IGF2BP1: variants seen among roughly 807,000 people sequenced by gnomAD.
IGF2BP1 encodes the protein insulin-like growth factor 2 mRNA-binding protein 1.
Under a neutral mutation model 74.9 loss-of-function variants are expected in IGF2BP1, and 11 were observed. The ratio of observed to expected loss-of-function variants is 0.15; its 90% CI spans 0.09 to 0.24. The LOEUF (loss-of-function observed/expected upper bound fraction) is 0.24, where lower values mean the gene tolerates loss of function less well. IGF2BP1 is among the 10% of genes least tolerant of loss of function. The pLI is 1.00. For missense variants in IGF2BP1, 440 were observed against 757.4 expected, an observed-to-expected ratio of 0.58 and a Z score of 4.92; for synonymous variants, 287 against 281.8, an observed-to-expected ratio of 1.02 and a Z score of -0.18.
intron 14 of IGF2BP1, among the ~76,000 whole-genome samples, chr17:49,047,346 CAA>C (rs2042117527): frequency 6.6e-6 from 1 of 151,630 alleles, no homozygotes; most frequent in East Asian, 1.9e-4. Flanking sequence ...TATAAAATAA[CAA>C]AAAAGTATTA....
chr17:49,040,995 A>G (rs573045228), intron 7 of IGF2BP1, among the ~76,000 whole-genome samples: 1 of 152,310 alleles, frequency 6.6e-6, no homozygotes, highest in African/African-American at 2.4e-5. Context: ...CCTGGGCAAC[A>G]TAGTGAAACC....
chr17:49,045,789 C>A, intron 12 of IGF2BP1, 101 bp from the exon 13 acceptor site: 1 of 1,293,762 alleles, frequency 7.7e-7, no homozygotes, highest in Non-Finnish European at 1.1e-6. Context: ...ATGGGGAGGG[C>A]CTGTGGGCCA....
chr17:49,038,774 A>G (rs991863654), intron 6 of IGF2BP1, among the ~76,000 whole-genome samples: 15 of 151,916 alleles, frequency 9.9e-5, no homozygotes, highest in African/African-American at 3.1e-4. Context: ...TGATTTCATG[A>G]TCACTTAGTG....
At chr17:49,040,413 C>T (rs729003) in intron 7 of IGF2BP1, among the ~76,000 whole-genome samples, 51,407 of 152,026 alleles carry the variant, frequency 0.34, 9,235 homozygotes, top group African/African-American at 0.42. Flanking sequence ...GATGGGGTGT[C>T]GCCATGTTAC....
chr17:49,033,376 C>CT lies in IGF2BP1; in HGVS notation c.401+1404dup, dbSNP rs2041946925. Among the ~76,000 whole-genome samples, 3 of 151,462 alleles carry CT rather than the reference C, an allele frequency of 2.0e-5. No homozygotes were observed. The South Asian group carries it at 6.3e-4, about 32-fold the overall frequency. ...ATTTTTTTTGAGACGGAGTCTCACTCTGTCGCCCAGGCTGGAGTGCAGTGG... is the reference window on the plus strand; with the variant it reads ...ATTTTTTTTGAGACGGAGTCTCACTCTTGTCGCCCAGGCTGGAGTGCAGTGG... On this transcript the variant is annotated intron_variant, in intron 5 of 14. Coordinates refer to ENST00000290341, the MANE Select transcript of IGF2BP1 (RefSeq NM_006546.4).
At chr17:49,001,231 CAGTT>C (rs956200103) in intron 2 of IGF2BP1, among the ~76,000 whole-genome samples, 18 of 152,088 alleles carry the variant, frequency 1.2e-4, no homozygotes, top group Admixed American at 2.6e-4. Context: ...AGTATTTCGT[CAGTT>C]AGGTTTGTTA....
intron 2 of IGF2BP1, among the ~76,000 whole-genome samples, chr17:49,024,627 G>GTTTTACA (rs2041830556): frequency 6.6e-6 from 1 of 151,916 alleles, no homozygotes; most frequent in African/African-American, 2.4e-5. Context: ...TCTGTTTTAC[G>GTTTTACA]TAGGAAGAAA....
intron 2 of IGF2BP1, among the ~76,000 whole-genome samples, chr17:49,015,362 C>A (rs1255598403): frequency 6.6e-6 from 1 of 152,158 alleles, no homozygotes; most frequent in Non-Finnish European, 1.5e-5. Context: ...GAGGCGGGGC[C>A]GGGCCAGAGA....
intron 2 of IGF2BP1, among the ~76,000 whole-genome samples, chr17:49,007,862 T>C (rs2041569022): frequency 6.6e-6 from 1 of 152,176 alleles, no homozygotes; most frequent in African/African-American, 2.4e-5. Flanking sequence ...TGGCAGGATT[T>C]GGAGATGAAG....
intron 2 of IGF2BP1, among the ~76,000 whole-genome samples, chr17:49,000,615 T>C (rs909160593): frequency 6.6e-6 from 1 of 152,194 alleles, no homozygotes; most frequent in Non-Finnish European, 1.5e-5. Flanking sequence ...GAAAAGGATA[T>C]GGATATTTGA....
rs989668838 is a variant in IGF2BP1, at chr17:49,051,866, C to G, written c.*2422C>G. 7 of 151,312 alleles carry G rather than the reference C, an allele frequency of 4.6e-5. No homozygotes were observed. The highest frequency in any genetic ancestry group is 1.7e-4 in the African/African-American group (7 of 41,082). 9.4% of individuals were successfully genotyped at this position (151,312 alleles called of 1,614,324 possible). A position where few individuals can be genotyped will look rare whatever the true frequency, so the allele number is the denominator to read the frequency against. On this transcript the variant is annotated 3_prime_UTR_variant, in exon 15 of 15. Coordinates refer to ENST00000290341, the MANE Select transcript of IGF2BP1 (RefSeq NM_006546.4). The stretch of plus-strand genomic sequence containing the variant: ...TTTTTGTTATTGTTTCATTTCAGTT[C>G]CGTCTTGCTATTCTTCCTAATCTAT...
At chr17:49,041,344 T>C in intron 7 of IGF2BP1, 34 bp from the exon 8 acceptor site, 1 of 1,612,190 alleles carries the variant, frequency 6.2e-7, no homozygotes, top group South Asian at 1.1e-5. Flanking sequence ...TTGAAGGAAC[T>C]CTTGTCTTCC....
intron 4 of IGF2BP1, among the ~76,000 whole-genome samples, chr17:49,026,719 G>GCCTT (rs1466112343): frequency 1.8e-4 from 19 of 106,526 alleles, no homozygotes; most frequent in East Asian, 1.7e-3. Context: ...CTGCCTTCCT[G>GCCTT]CCTGCCTTCC....
Position 48,997,787 on chromosome 17 carries a change from C to T in IGF2BP1, c.42C>T (p.Thr14=). The T allele has an allele frequency of 1.2e-6, 2 of 1,614,104 alleles. No homozygotes were observed. The highest frequency in any genetic ancestry group is 1.7e-6 in the Non-Finnish European group (2 of 1,179,984). The change falls in exon 1 of 15, where the codon ACC becomes ACT. Residue 14 remains threonine, a synonymous_variant. Transcript: ENST00000290341. This position sits in a 1 kb window ranked among gnomAD's most constrained non-coding sequence, Gnocchi z 4.8. ...LYIGNLNESV[T]PADLEKVFAE... is the part of the protein sequence containing the mutation. Reference sequence around the variant, plus strand: ...TCGGCAACCTCAACGAGAGCGTGACCCCCGCGGACTTGGAGAAAGTGTTTG... The same window carrying T: ...TCGGCAACCTCAACGAGAGCGTGACTCCCGCGGACTTGGAGAAAGTGTTTG...
In IGF2BP1 at chr17:49,043,353, C is replaced by CT. The variant is rs1029325212; in HGVS notation, c.1078-71dup. ...CCCACTTGCCTCTGGGGCTACTCGCCTTTTATACAGCGGGGGTCACACACA... is the reference window on the plus strand; with the variant it reads ...CCCACTTGCCTCTGGGGCTACTCGCCTTTTTATACAGCGGGGGTCACACACA... On this transcript the variant is annotated intron_variant, in intron 9 of 14. Coordinates refer to ENST00000290341, the MANE Select transcript of IGF2BP1 (RefSeq NM_006546.4). The CT allele has an allele frequency of 1.4e-5, 22 of 1,571,882 alleles. No individual in the cohort carries two copies. In the African/African-American group the frequency reaches 3.0e-4, roughly 21 times the overall value.
intron 9 of IGF2BP1, 94 bp downstream of exon 9, chr17:49,042,471 G>A (rs2144132052): frequency 1.0e-5 from 14 of 1,364,408 alleles, no homozygotes; most frequent in South Asian, 2.5e-5. Flanking sequence ...GCCCTGTGCC[G>A]TGTGGCCTTG....
At chr17:49,011,167 A>AC (rs2041615496) in intron 2 of IGF2BP1, among the ~76,000 whole-genome samples, 2 of 120,636 alleles carry the variant, frequency 1.7e-5, no homozygotes, top group Non-Finnish European at 3.7e-5. Context: ...AAAAAAAAAA[A>AC]CAAACCCTAA....
intron 5 of IGF2BP1, among the ~76,000 whole-genome samples, chr17:49,035,686 T>G (rs572598009): frequency 1.4e-4 from 21 of 152,190 alleles, no homozygotes; most frequent in Non-Finnish European, 2.8e-4. Context: ...CTCCGAGGTC[T>G]CCCCTGGGCG....
intron 2 of IGF2BP1, among the ~76,000 whole-genome samples, chr17:49,008,954 G>A (rs1168077340): frequency 6.6e-6 from 1 of 151,916 alleles, no homozygotes; most frequent in Non-Finnish European, 1.5e-5. Flanking sequence ...CCTTTGCTAG[G>A]TATTAGAAAT....
Sources: allele counts gnomAD v4.1 joint callset (sites outside exome capture counted in the v4.1 genomes callset), GRCh38; gene constraint gnomAD v4.1.1; non-coding constraint Gnocchi (gnomAD v3.1); transcripts MANE v1.5; gene names NCBI Gene and HGNC (gene_info 2026-07-23, HGNC 2026-07-21).